Variants in PTBP3 observed in about 807,000 individuals in gnomAD.
PTBP3 encodes polypyrimidine tract-binding protein 3.
Under a neutral mutation model 58.7 loss-of-function variants are expected in PTBP3, and 20 were observed. That is an observed-to-expected ratio of 0.34 (90% CI 0.24 to 0.50). The LOEUF (loss-of-function observed/expected upper bound fraction) is 0.50, where lower values mean the gene tolerates loss of function less well. Among genes scored for constraint, PTBP3 ranks in the 20% least tolerant of loss-of-function variants. The pLI is 0.98. For synonymous variants in PTBP3, 185 were observed against 219.8 expected (o/e 0.84, Z 1.40); for missense variants, 509 against 637.2 (o/e 0.80, Z 2.17).
chr9:112,284,174 C>T (rs887730852), intron 2 of PTBP3, among the ~76,000 whole-genome samples: 2 of 152,186 alleles, frequency 1.3e-5, no homozygotes, highest in African/African-American at 4.8e-5. Context: ...AGAAGAGCGC[C>T]ACTGTCCTCC....
chr9:112,373,593 G>A, the PTBP3 span, among the ~76,000 whole-genome samples: 1,788 of 152,252 alleles, frequency 0.012, 36 homozygotes, highest in African/African-American at 0.041. Flanking sequence ...TCCACCCCTT[G>A]TCAACTTGAA....
chr9:112,243,172 A>C (rs907881267), intron 7 of PTBP3, among the ~76,000 whole-genome samples: 2 of 151,996 alleles, frequency 1.3e-5, no homozygotes, highest in Admixed American at 1.3e-4. Context: ...TCTACTCTAA[A>C]TGCTTTCTTT....
chr9:112,334,393 C>T (rs1397928051), upstream of PTBP3, among the ~76,000 whole-genome samples: 2 of 152,014 alleles, frequency 1.3e-5, no homozygotes, highest in African/African-American at 2.4e-5. Flanking sequence ...AATACATATA[C>T]AAAGAGAGTG....
intron 1 of PTBP3, among the ~76,000 whole-genome samples, chr9:112,330,072 A>T (rs1417063988): frequency 2.6e-5 from 4 of 151,926 alleles, no homozygotes; most frequent in Non-Finnish European, 5.9e-5. Context: ...GGCTGGTCTC[A>T]AACTCCTGGG....
At chr9:112,247,834 T>TA (rs1301635002) in intron 7 of PTBP3, among the ~76,000 whole-genome samples, 11 of 152,228 alleles carry the variant, frequency 7.2e-5, no homozygotes. Context: ...AATTTAGACA[T>TA]AAAGGGACAT....
At position 112,297,866 on chromosome 9, in the gene PTBP3, G is replaced by C. The variant is rs973729182; in HGVS notation, c.-1C>G. 2 of 1,611,046 alleles carry C rather than the reference G, an allele frequency of 1.2e-6. No individual in the cohort carries two copies. The highest frequency in any genetic ancestry group is 1.7e-6 in the Non-Finnish European group (2 of 1,178,990). On this transcript the variant is annotated 5_prime_UTR_variant, in exon 2 of 14. Transcript: ENST00000374257. ...CTGTAGAAGGAGTAGAACTATTCATGGTAAAAGGTCCGTTAATGATGCCAG... is the reference window on the plus strand; with the variant it reads ...CTGTAGAAGGAGTAGAACTATTCATCGTAAAAGGTCCGTTAATGATGCCAG...
chr9:112,220,104 G>C lies in PTBP3; in HGVS notation c.*3747C>G. The C allele has an allele frequency of 1.6e-6, 2 of 1,234,926 alleles. No individual in the cohort carries two copies. The highest frequency in any genetic ancestry group is 1.0e-6 in the Non-Finnish European group (1 of 961,324). The allele number at this position is 1,234,926 out of a possible 1,614,324, so 76.5% of individuals were successfully genotyped here. On this transcript the variant is annotated 3_prime_UTR_variant, in exon 14 of 14. Coordinates refer to ENST00000374257, the MANE Select transcript of PTBP3 (RefSeq NM_001163788.4). The stretch of plus-strand genomic sequence containing the variant: ...ACGCATCGTCACGCTGTCTCTTTTT[G>C]GTTTTAAAAATAGCAGTACACATTA...
At chr9:112,292,649 T>C (rs770190711) in intron 2 of PTBP3, among the ~76,000 whole-genome samples, 1 of 152,188 alleles carries the variant, frequency 6.6e-6, no homozygotes, top group African/African-American at 2.4e-5. Flanking sequence ...TTGAGGACAC[T>C]ATGCTAAGTG....
the PTBP3 span, among the ~76,000 whole-genome samples, chr9:112,353,851 G>T: frequency 6.6e-6 from 1 of 151,858 alleles, no homozygotes; most frequent in Non-Finnish European, 1.5e-5. Flanking sequence ...CCAGCTAATC[G>T]GAAGGCTGAG....
chr9:112,245,051 G>A (rs755098976), intron 7 of PTBP3, among the ~76,000 whole-genome samples: 1 of 152,200 alleles, frequency 6.6e-6, no homozygotes, highest in Non-Finnish European at 1.5e-5. Flanking sequence ...GCTCATACCT[G>A]TAATCCCAGC....
chr9:112,351,104 T>G, the PTBP3 span, among the ~76,000 whole-genome samples: 2 of 152,216 alleles, frequency 1.3e-5, no homozygotes, highest in Non-Finnish European at 2.9e-5. Flanking sequence ...CTTAATTTAG[T>G]TATTAATTAA....
At chr9:112,256,680 T>C (rs1293940084) in intron 5 of PTBP3, among the ~76,000 whole-genome samples, 2 of 151,876 alleles carry the variant, frequency 1.3e-5, no homozygotes, top group Non-Finnish European at 2.9e-5. Context: ...CATACCACCA[T>C]GCATGGCTAA....
intron 1 of PTBP3, among the ~76,000 whole-genome samples, chr9:112,306,958 T>C (rs923875840): frequency 9.9e-5 from 15 of 152,116 alleles, no homozygotes; most frequent in African/African-American, 3.4e-4. Context: ...TATAAGGACA[T>C]GGTGAAAGTT....
intron 1 of PTBP3, among the ~76,000 whole-genome samples, chr9:112,330,764 C>T (rs904515361): frequency 6.6e-6 from 1 of 152,136 alleles, no homozygotes; most frequent in African/African-American, 2.4e-5. Context: ...TATCCATTTA[C>T]CTCTATTTAA....
chr9:112,354,059 C>T, the PTBP3 span, among the ~76,000 whole-genome samples: 1 of 152,074 alleles, frequency 6.6e-6, no homozygotes, highest in Non-Finnish European at 1.5e-5. Context: ...CTAATAGGAA[C>T]CATACATTTT....
the PTBP3 span, among the ~76,000 whole-genome samples, chr9:112,355,985 T>C: frequency 9.4e-4 from 142 of 151,418 alleles, 1 homozygote; most frequent in African/African-American, 3.4e-3. Flanking sequence ...TCCTTCCTTC[T>C]TTCTTTCTCT....
chr9:112,342,096 G>A, the PTBP3 span, among the ~76,000 whole-genome samples: 1 of 152,158 alleles, frequency 6.6e-6, no homozygotes, highest in Non-Finnish European at 1.5e-5. Flanking sequence ...CAGAGGAAAG[G>A]CAAGTTTTCT....
chr9:112,330,815 T>C, intron 1 of PTBP3, among the ~76,000 whole-genome samples: 1 of 152,210 alleles, frequency 6.6e-6, no homozygotes, highest in East Asian at 1.9e-4. Context: ...AGTTTGTTCT[T>C]TTAAGTCACT....
intron 1 of PTBP3, chr9:112,332,791 G>A (rs775370189): frequency 3.7e-6 from 6 of 1,612,624 alleles, no homozygotes; most frequent in South Asian, 1.1e-5. Flanking sequence ...TACACGGGCA[G>A]ATAATTCATT....
Sources: allele counts gnomAD v4.1 joint callset (sites outside exome capture counted in the v4.1 genomes callset), GRCh38; gene constraint gnomAD v4.1.1; transcripts MANE v1.5; gene names NCBI Gene and HGNC (gene_info 2026-07-23, HGNC 2026-07-21).